ABCB5: variants seen among roughly 807,000 people sequenced by gnomAD.
ABCB5 encodes the protein ATP binding cassette subfamily B member 5, also known as ATP-binding cassette sub-family B member 5.
Under a neutral mutation model 144.2 loss-of-function variants are expected in ABCB5, and 155 were observed. The ratio of observed to expected loss-of-function variants is 1.08; its 90% CI spans 0.94 to 1.23. The LOEUF (loss-of-function observed/expected upper bound fraction) is 1.23. Among genes scored for constraint, ABCB5 ranks in the 50% most tolerant of loss-of-function variants. ABCB5 has a pLI of 0.00. For synonymous variants in ABCB5, 610 were observed against 528.6 expected (o/e 1.15, Z -2.11); for missense variants, 1,830 against 1,520.8 (o/e 1.20, Z -3.38).
At chr7:20,656,433 A>T (rs1401727186) in intron 13 of ABCB5, among the ~76,000 whole-genome samples, 1 of 152,192 alleles carries the variant, frequency 6.6e-6, no homozygotes, top group African/African-American at 2.4e-5. Context: ...GACAAAAAAT[A>T]GAAATTAAAA....
intron 20 of ABCB5, among the ~76,000 whole-genome samples, chr7:20,719,753 T>G (rs1781801722): frequency 6.6e-6 from 1 of 152,048 alleles, no homozygotes. Flanking sequence ...ATCACATAGA[T>G]CAATCTATTA....
intron 13 of ABCB5, among the ~76,000 whole-genome samples, chr7:20,658,189 G>T (rs1384857019): frequency 6.6e-6 from 1 of 151,928 alleles, no homozygotes; most frequent in East Asian, 1.9e-4. Flanking sequence ...AGATTTCAAA[G>T]CATTCTAAAA....
intron 25 of ABCB5, among the ~76,000 whole-genome samples, chr7:20,744,540 T>A (rs987350105): frequency 2.6e-5 from 4 of 151,836 alleles, no homozygotes; most frequent in African/African-American, 9.7e-5. Flanking sequence ...TTAGGGTACT[T>A]TCCTCTCCTG....
chr7:20,727,076 G>C lies in ABCB5; in HGVS notation c.2662G>C (p.Val888Leu), dbSNP rs1347158448. ...TEALENIRTI[V>L]SLTREKAFEQ... ...AGCTTTGGAGAATATACGTACTATA[G>C]TGTCATTAACAAGGGAAAAAGCCTT... Residue 888 changes from valine (V) to leucine (L), a missense_variant, in exon 22 of 28, where the codon GTG becomes CTG. Val to Leu is a conservative substitution (Grantham distance 32). Transcript: ENST00000404938. The C allele has an allele frequency of 6.2e-7, 1 of 1,613,428 alleles. No individual in the cohort carries two copies. Among genetic ancestry groups the C allele is most frequent in the African/African-American group, 1.3e-5 (1 of 74,872 alleles).
chr7:20,729,167 T>C (rs1206119675), intron 23 of ABCB5, among the ~76,000 whole-genome samples: 1 of 152,190 alleles, frequency 6.6e-6, no homozygotes, highest in Admixed American at 6.5e-5. Flanking sequence ...TTAGTCTCTA[T>C]AAGTACAGCA....
chr7:20,658,052 T>G (rs1784868293), intron 13 of ABCB5, among the ~76,000 whole-genome samples: 1 of 152,156 alleles, frequency 6.6e-6, no homozygotes, highest in Non-Finnish European at 1.5e-5. Context: ...AGGGGAAAGT[T>G]TGTTTTGGTA....
At chr7:20,734,832 G>A (rs1311833411) in intron 23 of ABCB5, among the ~76,000 whole-genome samples, 3 of 152,138 alleles carry the variant, frequency 2.0e-5, no homozygotes, top group Non-Finnish European at 2.9e-5. Flanking sequence ...GCACCCATGT[G>A]TAGTAAAACA....
At chr7:20,671,554 T>TA (rs1785460351) in intron 14 of ABCB5, among the ~76,000 whole-genome samples, 2 of 152,330 alleles carry the variant, frequency 1.3e-5, no homozygotes, top group African/African-American at 2.4e-5. Flanking sequence ...GAACTTTATA[T>TA]AAAGGGAGCA....
At chr7:20,752,369 T>G (rs915114298) in intron 26 of ABCB5, among the ~76,000 whole-genome samples, 4 of 152,232 alleles carry the variant, frequency 2.6e-5, no homozygotes, top group Admixed American at 6.5e-5. Context: ...CCAACTGTAC[T>G]GACCAATTGT....
rs543316812 is a variant in ABCB5, at chr7:20,725,300, G to C, written c.2626-1740G>C. Among the ~76,000 whole-genome samples the C allele has an allele frequency of 2.0e-5, 3 of 152,346 alleles. No individual in the cohort carries two copies. In the South Asian group the frequency reaches 6.2e-4, roughly 32 times the overall value. Reference sequence around the variant, plus strand: ...GTTTAGTTTTTAAGACTTTGAATGGGCCAGGTGCGCTGGCTTACGCCTGTA... The same window carrying C: ...GTTTAGTTTTTAAGACTTTGAATGGCCCAGGTGCGCTGGCTTACGCCTGTA... On this transcript the variant is annotated intron_variant, in intron 21 of 27. Transcript: ENST00000404938.
rs1012985184 is a variant in ABCB5, at chr7:20,756,628, G to A, written c.*1004G>A. Reference sequence around the variant, plus strand: ...ACTGCACTCCAGCCTGCGCAACAGAGCGAGACTCCATCTCAAAAAATAATA... The same window carrying A: ...ACTGCACTCCAGCCTGCGCAACAGAACGAGACTCCATCTCAAAAAATAATA... On this transcript the variant is annotated 3_prime_UTR_variant, in exon 28 of 28. Coordinates refer to ENST00000404938, the MANE Select transcript of ABCB5 (RefSeq NM_001163941.2). 3.3e-5 allele frequency: 5 copies of A among 152,094 alleles called. No individual in the cohort carries two copies. The highest frequency in any genetic ancestry group is 7.4e-5 in the Non-Finnish European group (5 of 68,024). 9.4% of individuals were successfully genotyped at this position (152,094 alleles called of 1,614,324 possible). A position where few individuals can be genotyped will look rare whatever the true frequency, so the allele number is the denominator to read the frequency against.
At chr7:20,634,680 G>A (rs1784113092) in intron 5 of ABCB5, among the ~76,000 whole-genome samples, 1 of 151,948 alleles carries the variant, frequency 6.6e-6, no homozygotes, top group Non-Finnish European at 1.5e-5. Context: ...ATGCTTTTTG[G>A]ACATTTGTAT....
At chr7:20,663,248 G>A (rs139067979) in intron 14 of ABCB5, among the ~76,000 whole-genome samples, 1 of 152,132 alleles carries the variant, frequency 6.6e-6, no homozygotes, top group Non-Finnish European at 1.5e-5. Context: ...CTGAGTATAT[G>A]CCCAAAATAA....
intron 15 of ABCB5, among the ~76,000 whole-genome samples, 154 bp from the exon 16 acceptor site, chr7:20,685,542 C>G (rs1313357570): frequency 6.6e-6 from 1 of 152,196 alleles, no homozygotes; most frequent in Non-Finnish European, 1.5e-5. Context: ...CTTATCAGCT[C>G]TCTATCAAGC....
intron 5 of ABCB5, among the ~76,000 whole-genome samples, chr7:20,640,801 G>C (rs1462738149): frequency 6.6e-6 from 1 of 152,114 alleles, no homozygotes; most frequent in African/African-American, 2.4e-5. Flanking sequence ...TTCAAATAAT[G>C]AGCATCAATT....
rs1783914768 is a variant in ABCB5, at chr7:20,626,600, T to G, written c.97T>G (p.Ser33Ala). 1 of 1,606,390 alleles carries G rather than the reference T, an allele frequency of 6.2e-7. No individual in the cohort carries two copies. Among genetic ancestry groups the G allele is most frequent in the Admixed American group, 1.7e-5 (1 of 58,932 alleles). ...QPKLRKEAVGSIEIFRFADGL... is the reference protein window; with the variant it reads ...QPKLRKEAVGAIEIFRFADGL... ...AAAACTGAGAAAGGAAGCAGTTGGA[T>G]CTATTGAGATAGTAAGTGAAATCAG... is the stretch of plus-strand genomic sequence containing the variant. Residue 33 changes from serine (S) to alanine (A), a missense_variant, in exon 3 of 28, where the codon TCT becomes GCT. Physicochemically the swap from Ser to Ala is moderately conservative, Grantham distance 99 (BLOSUM62 1). Transcript: ENST00000404938.
intron 24 of ABCB5, among the ~76,000 whole-genome samples, chr7:20,741,991 T>G (rs1782576984): frequency 6.6e-6 from 1 of 150,614 alleles, no homozygotes; most frequent in Non-Finnish European, 1.5e-5. Context: ...TGAGTATTGG[T>G]TTAGAAATCA....
At chr7:20,748,291 A>C (rs1782792618) in intron 26 of ABCB5, among the ~76,000 whole-genome samples, 1 of 152,076 alleles carries the variant, frequency 6.6e-6, no homozygotes, top group Non-Finnish European at 1.5e-5. Context: ...TACAGCTCAC[A>C]CGTAGGTTTT....
chr7:20,687,628 G>A (rs966661165), intron 16 of ABCB5, among the ~76,000 whole-genome samples: 1 of 152,200 alleles, frequency 6.6e-6, no homozygotes, highest in Non-Finnish European at 1.5e-5. Flanking sequence ...ACCAAGAACC[G>A]AAATAAGCTA....
Sources: gnomAD v4.1 joint callset for allele counts (sites outside exome capture counted in the v4.1 genomes callset) on GRCh38, gnomAD v4.1.1 for gene constraint, MANE v1.5 for transcripts, NCBI Gene and HGNC (gene_info 2026-07-23, HGNC 2026-07-21) for gene names.